ABCG2: variants seen among roughly 807,000 people sequenced by gnomAD.
ABCG2 encodes ATP binding cassette subfamily G member 2 (JR blood group).
ABCG2 carries 80 observed loss-of-function variants against 73.5 expected under a neutral mutation model. That is an observed-to-expected ratio of 1.09 (90% confidence interval 0.91 to 1.31). The LOEUF (loss-of-function observed/expected upper bound fraction) is 1.31. Ranked by LOEUF, ABCG2 falls within the 50% of genes most tolerant of loss-of-function variation. ABCG2 has a pLI of 0.00. For missense variants in ABCG2, 796 were observed against 786.2 expected, an observed-to-expected ratio of 1.01 and a Z score of -0.15; for synonymous variants, 269 against 282.4, an observed-to-expected ratio of 0.95 and a Z score of 0.48.
At chr4:88,137,385 A>C (rs569032908) in intron 2 of ABCG2, among the ~76,000 whole-genome samples, 9 of 152,328 alleles carry the variant, frequency 5.9e-5, no homozygotes, top group Admixed American at 4.6e-4. Context: ...ATGTCAGTTT[A>C]TCTCTCCTCA....
At chr4:88,133,186 A>T (rs1421609987) in intron 2 of ABCG2, among the ~76,000 whole-genome samples, 3 of 152,192 alleles carry the variant, frequency 2.0e-5, no homozygotes, top group Non-Finnish European at 4.4e-5. Flanking sequence ...TCAGTACTGT[A>T]TCTTCAAGTG....
At chr4:88,105,741 T>C (rs1037240962) in intron 10 of ABCG2, among the ~76,000 whole-genome samples, 6 of 152,174 alleles carry the variant, frequency 3.9e-5, no homozygotes, top group African/African-American at 1.4e-4. Context: ...ACACTATCAA[T>C]ACTGAAAAGA....
chr4:88,219,604 C>G (rs1729937344), intron 1 of ABCG2, among the ~76,000 whole-genome samples: 1 of 60,660 alleles, frequency 1.6e-5, no homozygotes, highest in Admixed American at 2.7e-4. Flanking sequence ...TTTTTTGAGA[C>G]CGAGTCTTGC....
intron 5 of ABCG2, among the ~76,000 whole-genome samples, chr4:88,130,315 G>T (rs192253541): frequency 1.3e-4 from 20 of 151,922 alleles, no homozygotes; most frequent in African/African-American, 4.8e-4. Flanking sequence ...CATGTACGAG[G>T]ATCTAAATTG....
At chr4:88,204,129 G>T (rs1228406835) in intron 1 of ABCG2, among the ~76,000 whole-genome samples, 6 of 151,970 alleles carry the variant, frequency 3.9e-5, no homozygotes, top group Non-Finnish European at 8.8e-5. Flanking sequence ...CAGCTGTAAA[G>T]AATTCAAGCC....
intron 9 of ABCG2, among the ~76,000 whole-genome samples, chr4:88,112,392 G>A (rs1723197459): frequency 6.6e-6 from 1 of 152,088 alleles, no homozygotes; most frequent in South Asian, 2.1e-4. Flanking sequence ...AGGTTTCCCT[G>A]ATCACCTGAT....
At chr4:88,211,160 A>G (rs1187457591) in intron 1 of ABCG2, among the ~76,000 whole-genome samples, 1 of 152,034 alleles carries the variant, frequency 6.6e-6, no homozygotes, top group East Asian at 1.9e-4. Flanking sequence ...TGGCTAATTA[A>G]GGAGAGGATG....
Position 88,113,519 on chromosome 4 carries a change from C to T in ABCG2, c.978G>A (p.Lys326=). 6.2e-7 allele frequency: 1 copy of T among 1,614,132 alleles called. No homozygotes were observed. Among genetic ancestry groups the T allele is most frequent in the South Asian group, 1.1e-5 (1 of 91,062 alleles). Reference sequence around the variant, plus strand: ...TCTCCGCTAATTTTTCTATGAGTGGCTTATCCTGCTTGGAAGGCTCTATGA... The same window carrying T: ...TCTCCGCTAATTTTTCTATGAGTGGTTTATCCTGCTTGGAAGGCTCTATGA... ...TEIIEPSKQD[K]PLIEKLAEIY... is the part of the protein sequence containing the mutation. Residue 326 remains lysine, a synonymous_variant, in exon 9 of 16, where the codon AAG becomes AAA. Coordinates refer to ENST00000237612, the MANE Select transcript of ABCG2 (RefSeq NM_004827.3).
At chr4:88,155,053 G>A (rs925126100) in intron 1 of ABCG2, among the ~76,000 whole-genome samples, 27 of 152,096 alleles carry the variant, frequency 1.8e-4, no homozygotes, top group African/African-American at 1.7e-4. Context: ...AAAAGGGTTG[G>A]GATGAGTCAG....
chr4:88,156,843 G>A (rs899114549), intron 1 of ABCG2, among the ~76,000 whole-genome samples: 15 of 152,138 alleles, frequency 9.9e-5, no homozygotes, highest in East Asian at 1.9e-4. Flanking sequence ...AGTGGCTCAC[G>A]CCTGTAATCC....
At chr4:88,171,593 T>G (rs1184220140) in intron 1 of ABCG2, among the ~76,000 whole-genome samples, 1 of 58,186 alleles carries the variant, frequency 1.7e-5, no homozygotes, top group Non-Finnish European at 3.6e-5. Flanking sequence ...TTTAAAACAT[T>G]TCAAGCAGAG....
At chr4:88,167,537 T>A (rs989108481) in intron 1 of ABCG2, among the ~76,000 whole-genome samples, 1 of 152,042 alleles carries the variant, frequency 6.6e-6, no homozygotes, top group Admixed American at 6.6e-5. Context: ...CATGCCCAGC[T>A]AATTTTTGTT....
At chr4:88,109,827 A>G (rs971561604) in intron 9 of ABCG2, among the ~76,000 whole-genome samples, 1 of 152,272 alleles carries the variant, frequency 6.6e-6, no homozygotes, top group Non-Finnish European at 1.5e-5. Context: ...AAGAACTCAG[A>G]ATTAAAACAA....
chr4:88,122,962 GA>G (rs369364725), intron 5 of ABCG2, among the ~76,000 whole-genome samples: 169 of 152,006 alleles, frequency 1.1e-3, no homozygotes, highest in African/African-American at 3.8e-3. Context: ...AGCTTCCAGA[GA>G]AAAAAAACAG....
chr4:88,213,982 C>CTT lies in ABCG2; in HGVS notation c.-20+17010_-20+17011dup, dbSNP rs33984842. Among the ~76,000 whole-genome samples, 102 of 59,634 alleles carry CTT rather than the reference C, an allele frequency of 1.7e-3. 4 individuals carry two copies. Among genetic ancestry groups the CTT allele is most frequent in the African/African-American group, 5.1e-3 (77 of 15,118 alleles). 39.1% of individuals were successfully genotyped at this position (59,634 alleles called of 152,430 possible). On this transcript the variant is annotated intron_variant, in intron 1 of 15. Coordinates refer to the ABCG2 transcript ENST00000515655. Reference sequence around the variant, plus strand: ...ACAGCCATGAGCCACCACGCCCGGCCTTTTTTTTTTTTTTTTTTTTTTTGA... The same window carrying CTT: ...ACAGCCATGAGCCACCACGCCCGGCCTTTTTTTTTTTTTTTTTTTTTTTTTGA...
chr4:88,133,028 C>T (rs1293501538), intron 2 of ABCG2, among the ~76,000 whole-genome samples: 1 of 152,180 alleles, frequency 6.6e-6, no homozygotes, highest in African/African-American at 2.4e-5. Context: ...TATTCTCTAA[C>T]CCATTTATAT....
chr4:88,224,473 A>C (rs1730126640), intron 1 of ABCG2, among the ~76,000 whole-genome samples: 2 of 149,576 alleles, frequency 1.3e-5, no homozygotes, highest in African/African-American at 5.0e-5. Flanking sequence ...GATAAAAGAC[A>C]AGTAAAAAGT....
At chr4:88,188,845 T>C (rs1294252219) in intron 1 of ABCG2, among the ~76,000 whole-genome samples, 6 of 151,732 alleles carry the variant, frequency 4.0e-5, no homozygotes, top group African/African-American at 1.5e-4. Context: ...AAAACCAGTC[T>C]CTACAAAATA....
chr4:88,211,859 G>GAC (rs1260791064), intron 1 of ABCG2, among the ~76,000 whole-genome samples: 1 of 152,204 alleles, frequency 6.6e-6, no homozygotes, highest in Non-Finnish European at 1.5e-5. Flanking sequence ...GGCCAGAGGG[G>GAC]AAAGTCTTTC....
Sources: gnomAD v4.1 joint callset for allele counts (sites outside exome capture counted in the v4.1 genomes callset) on GRCh38, gnomAD v4.1.1 for gene constraint, MANE v1.5 for transcripts, NCBI Gene and HGNC (gene_info 2026-07-23, HGNC 2026-07-21) for gene names.